The following KCNH8 variants were observed in gnomAD, a reference collection of about 807,000 sequenced individuals.
The protein encoded by KCNH8 is potassium voltage-gated channel subfamily H member 8, also known as voltage-gated delayed rectifier potassium channel KCNH8.
KCNH8 carries 70 observed loss-of-function variants against 103.6 expected under a neutral mutation model. The ratio of observed to expected loss-of-function variants is 0.68; its 90% CI spans 0.56 to 0.82. The LOEUF is 0.82. Ranked by LOEUF, KCNH8 falls within the 40% of genes least tolerant of loss-of-function variation. The probability of loss-of-function intolerance (pLI) is 0.00; values close to 1 mark genes in which losing one functional copy is unlikely to be tolerated. For missense variants in KCNH8, 1,217 were observed against 1,329.9 expected (o/e 0.92, Z 1.32); for synonymous variants, 498 against 489.4 (o/e 1.02, Z -0.23).
At chr3:19,413,926 T>A (rs922692191) in intron 7 of KCNH8, among the ~76,000 whole-genome samples, 2 of 152,112 alleles carry the variant, frequency 1.3e-5, no homozygotes, top group African/African-American at 4.8e-5. Flanking sequence ...AAGTTAAGTG[T>A]CAACCATTGA....
chr3:19,230,741 C>T (rs145626131), intron 1 of KCNH8, among the ~76,000 whole-genome samples: 1 of 152,114 alleles, frequency 6.6e-6, no homozygotes, highest in African/African-American at 2.4e-5. Flanking sequence ...AACTTACAAA[C>T]TGAAGAAAAC....
intron 1 of KCNH8, among the ~76,000 whole-genome samples, chr3:19,232,523 G>A (rs536709386): frequency 2.0e-5 from 3 of 152,266 alleles, no homozygotes; most frequent in African/African-American, 4.8e-5. Context: ...AAGTGATCAG[G>A]AATTAGCCTA....
chr3:19,396,196 C>A (rs1251457829), intron 7 of KCNH8, among the ~76,000 whole-genome samples: 1 of 152,034 alleles, frequency 6.6e-6, no homozygotes, highest in African/African-American at 2.4e-5. Flanking sequence ...AAAAATCAAT[C>A]TTGAACTTTT....
At chr3:19,306,431 G>A (rs967736922) in intron 3 of KCNH8, among the ~76,000 whole-genome samples, 3 of 152,116 alleles carry the variant, frequency 2.0e-5, no homozygotes, top group Admixed American at 1.3e-4. Flanking sequence ...GAGAGAAGAG[G>A]GTCAATGGTC....
chr3:19,191,784 G>A (rs1436157969), intron 1 of KCNH8, among the ~76,000 whole-genome samples: 2 of 151,582 alleles, frequency 1.3e-5, no homozygotes, highest in African/African-American at 2.4e-5. Context: ...GGTTCATCCT[G>A]CTATTTAGTG....
intron 1 of KCNH8, among the ~76,000 whole-genome samples, chr3:19,153,624 CTTTCTTT>C (rs2063151377): frequency 6.8e-6 from 1 of 146,308 alleles, no homozygotes; most frequent in East Asian, 2.0e-4. Context: ...CTTTTCTTTT[CTTTCTTT>C]TTTCTTTTTT....
At chr3:19,249,379 C>A (rs1250972537) in intron 1 of KCNH8, among the ~76,000 whole-genome samples, 1 of 152,200 alleles carries the variant, frequency 6.6e-6, no homozygotes, top group East Asian at 1.9e-4. Context: ...GCCACTAAAT[C>A]CTCTTTAGAA....
At chr3:19,416,370 A>C in intron 7 of KCNH8, among the ~76,000 whole-genome samples, 1 of 152,166 alleles carries the variant, frequency 6.6e-6, no homozygotes, top group Middle Eastern at 3.4e-3. Flanking sequence ...GTGCTTTTTC[A>C]GATTTCGATT....
At chr3:19,416,410 A>G (rs1011673105) in intron 7 of KCNH8, among the ~76,000 whole-genome samples, 1 of 152,140 alleles carries the variant, frequency 6.6e-6, no homozygotes, top group Admixed American at 6.5e-5. Context: ...TTTGTGTTTT[A>G]TAGTTCAAAT....
chr3:19,219,265 C>A (rs1007072446), intron 1 of KCNH8, among the ~76,000 whole-genome samples: 2 of 152,084 alleles, frequency 1.3e-5, no homozygotes, highest in African/African-American at 2.4e-5. Context: ...ACCCAGATCA[C>A]CCTATTTAAA....
chr3:19,508,482 C>A (rs373031377), intron 11 of KCNH8, among the ~76,000 whole-genome samples: 10 of 152,172 alleles, frequency 6.6e-5, no homozygotes, highest in East Asian at 5.8e-4. Flanking sequence ...CTTTTGTTTC[C>A]TCTTCTGCAG....
At chr3:19,419,922 T>C (rs1286439029) in intron 7 of KCNH8, among the ~76,000 whole-genome samples, 1 of 152,194 alleles carries the variant, frequency 6.6e-6, no homozygotes, top group Non-Finnish European at 1.5e-5. Context: ...AATTTGCCTT[T>C]GGCTTGACAG....
chr3:19,174,766 C>T (rs947480043), intron 1 of KCNH8, among the ~76,000 whole-genome samples: 1 of 152,106 alleles, frequency 6.6e-6, no homozygotes, highest in African/African-American at 2.4e-5. Flanking sequence ...CTGTTAAAGT[C>T]TGGAGGGTTA....
At chr3:19,484,163 G>C (rs1001706645) in intron 11 of KCNH8, among the ~76,000 whole-genome samples, 2 of 152,138 alleles carry the variant, frequency 1.3e-5, no homozygotes, top group African/African-American at 2.4e-5. Context: ...CCAGTCTTTA[G>C]TTCTTAATCT....
chr3:19,326,595 C>T (rs185747888), intron 3 of KCNH8, among the ~76,000 whole-genome samples: 1 of 151,830 alleles, frequency 6.6e-6, no homozygotes, highest in Non-Finnish European at 1.5e-5. Flanking sequence ...CTATTTCTTC[C>T]AGAGAGTATT....
intron 11 of KCNH8, among the ~76,000 whole-genome samples, chr3:19,469,547 C>A (rs2067812413): frequency 6.6e-6 from 1 of 152,000 alleles, no homozygotes; most frequent in African/African-American, 2.4e-5. Flanking sequence ...TCAAGTGATT[C>A]TCCTGCCTCA....
intron 1 of KCNH8, among the ~76,000 whole-genome samples, chr3:19,245,938 G>T (rs1192047130): frequency 2.0e-5 from 3 of 151,978 alleles, no homozygotes; most frequent in African/African-American, 7.2e-5. Context: ...TTTTTCTCTT[G>T]CATTATTTTT....
chr3:19,317,038 C>A (rs1376561338), intron 3 of KCNH8, among the ~76,000 whole-genome samples: 1 of 151,714 alleles, frequency 6.6e-6, no homozygotes, highest in African/African-American at 2.4e-5. Flanking sequence ...TTCTTGGTGG[C>A]TTGATTTATT....
chr3:19,170,244 A>G (rs1056641568), intron 1 of KCNH8, among the ~76,000 whole-genome samples: 3 of 152,058 alleles, frequency 2.0e-5, no homozygotes, highest in African/African-American at 4.8e-5. Context: ...TTCACGTCCT[A>G]TTTTTACCCC....
Sources: gnomAD v4.1 joint callset for allele counts (sites outside exome capture counted in the v4.1 genomes callset) on GRCh38, gnomAD v4.1.1 for gene constraint, MANE v1.5 for transcripts, NCBI Gene and HGNC (gene_info 2026-07-23, HGNC 2026-07-21) for gene names.